The following DOP1B variants were observed in gnomAD, a reference collection of about 807,000 sequenced individuals.
The protein encoded by DOP1B is DOP1 leucine zipper like protein B.
In DOP1B, 174 loss-of-function variants were observed where a neutral mutation model predicts 233.5. That is an observed-to-expected ratio of 0.75 (90% CI 0.66 to 0.85). The LOEUF is 0.85. Ranked by LOEUF, DOP1B falls within the 40% of genes least tolerant of loss-of-function variation. The pLI, the probability that DOP1B is intolerant of heterozygous loss-of-function variation, is 0.00. For synonymous variants in DOP1B, 1,190 were observed against 1,185.6 expected (o/e 1.00, Z -0.08); for missense variants, 2,652 against 2,846.6 (o/e 0.93, Z 1.56).
chr21:36,157,642 A>G (rs1470265962), intron 1 of DOP1B, among the ~76,000 whole-genome samples: 1 of 152,222 alleles, frequency 6.6e-6, no homozygotes, highest in African/African-American at 2.4e-5. Flanking sequence ...GTCTGCTGCC[A>G]TTAGGTGGCT....
chr21:36,289,834 G>A (rs575392267), intron 35 of DOP1B, among the ~76,000 whole-genome samples: 3 of 152,310 alleles, frequency 2.0e-5, no homozygotes, highest in Non-Finnish European at 4.4e-5. Flanking sequence ...GTGACATTCT[G>A]GAAAAGGCAA....
chr21:36,270,456 G>A (rs1414565066), intron 27 of DOP1B, among the ~76,000 whole-genome samples: 1 of 149,112 alleles, frequency 6.7e-6, no homozygotes, highest in Non-Finnish European at 1.5e-5. Flanking sequence ...GGGAGGCTGA[G>A]GCAGGAGAAT....
Position 36,238,617 on chromosome 21 carries a change from C to A in DOP1B, c.2792C>A (p.Ala931Asp). ...CTCATCAAGGGAACAAGGCTGGAAG[C>A]TCTGTTTAGATTTTCCGTGATCTGG... ...LDPDKGTRLEALFRFSVIWHL... is the reference protein window; with the variant it reads ...LDPDKGTRLEDLFRFSVIWHL... The change falls in exon 17 of 37, where the codon GCT becomes GAT. Residue 931 changes from alanine to aspartate, a missense_variant. Ala to Asp is a moderately radical substitution (Grantham distance 126, BLOSUM62 -2). Coordinates refer to ENST00000691173, the MANE Select transcript of DOP1B (RefSeq NM_001320714.2). 3 of 1,614,216 alleles carry A rather than the reference C, an allele frequency of 1.9e-6. No individual in the cohort carries two copies. The highest frequency in any genetic ancestry group is 2.5e-6 in the Non-Finnish European group (3 of 1,180,038).
At chr21:36,238,773 G>T in intron 17 of DOP1B, 72 bp downstream of exon 17, 2 of 1,454,960 alleles carry the variant, frequency 1.4e-6, no homozygotes, top group Non-Finnish European at 1.9e-6. Flanking sequence ...CCCAACGTGT[G>T]GGGCTGGGGA....
chr21:36,198,028 A>G (rs1444456944), intron 2 of DOP1B, among the ~76,000 whole-genome samples: 2 of 151,856 alleles, frequency 1.3e-5, no homozygotes, highest in Non-Finnish European at 2.9e-5. Flanking sequence ...TCAAAAAAAA[A>G]AAAAAAAGAA....
chr21:36,158,495 C>T (rs950450571), intron 1 of DOP1B, among the ~76,000 whole-genome samples: 1 of 152,132 alleles, frequency 6.6e-6, no homozygotes, highest in African/African-American at 2.4e-5. Flanking sequence ...TCTCACAGGA[C>T]TCGTGTATTG....
chr21:36,178,031 G>A (rs1214980636), intron 2 of DOP1B, among the ~76,000 whole-genome samples: 2 of 152,146 alleles, frequency 1.3e-5, no homozygotes, highest in Non-Finnish European at 2.9e-5. Flanking sequence ...CCTTGGTGTG[G>A]AAGGTGCTGT....
chr21:36,289,308 C>T, intron 35 of DOP1B, 102 bp downstream of exon 35: 1 of 1,233,482 alleles, frequency 8.1e-7, no homozygotes. Flanking sequence ...TGGGAAACCA[C>T]CATCTGGGTT....
chr21:36,194,487 C>CTTTTT (rs369495001), intron 2 of DOP1B, among the ~76,000 whole-genome samples: 2 of 81,310 alleles, frequency 2.5e-5, no homozygotes, highest in African/African-American at 7.0e-5. Context: ...CTCTCTCTCT[C>CTTTTT]TTTTTTTTTT....
In DOP1B at chr21:36,214,658, TA is replaced by T. The variant is rs951180549; in HGVS notation, c.1129+104del. ...TACAACCAAAGCGTTATTTTGAATATAATTTAATATTTGGAATTTCACAACT... is the reference window on the plus strand; with the variant it reads ...TACAACCAAAGCGTTATTTTGAATATATTTAATATTTGGAATTTCACAACT... On this transcript the variant is annotated intron_variant, in intron 9 of 36. Transcript: ENST00000691173. The T allele has an allele frequency of 1.1e-5, 11 of 1,023,158 alleles. No individual in the cohort carries two copies. The African/African-American group carries it at 1.3e-4, about 12-fold the overall frequency. The allele number at this position is 1,023,158 out of a possible 1,614,324, so 63.4% of individuals were successfully genotyped here.
At position 36,246,480 on chromosome 21, in the gene DOP1B, C is replaced by T. The variant is rs1400171135; in HGVS notation, c.4500C>T (p.Val1500=). ...PHPLTSQGLL[V]SAVVRGLQPA... ...CCCTCACCTCCCAGGGTCTTCTGGT[C>T]TCTGCGGTGGTGAGGGGTCTGCAGC... The change falls in exon 19 of 37, where the codon GTC becomes GTT. Residue 1500 remains valine, a synonymous_variant. Coordinates refer to ENST00000691173, the MANE Select transcript of DOP1B (RefSeq NM_001320714.2). This position sits in a 1 kb window ranked among gnomAD's most constrained non-coding sequence, Gnocchi z 5.1. The T allele has an allele frequency of 3.1e-6, 5 of 1,614,038 alleles. No individual in the cohort carries two copies. The highest frequency in any genetic ancestry group is 4.2e-6 in the Non-Finnish European group (5 of 1,180,048).
chr21:36,208,074 G>A (rs531219637), intron 4 of DOP1B, among the ~76,000 whole-genome samples: 8 of 152,298 alleles, frequency 5.3e-5, no homozygotes, highest in Non-Finnish European at 1.0e-4. Context: ...ACAAATGCCC[G>A]GCCTCAGCAC....
chr21:36,229,621 G>A (rs571829707), intron 13 of DOP1B, among the ~76,000 whole-genome samples: 8 of 149,882 alleles, frequency 5.3e-5, no homozygotes, highest in South Asian at 2.1e-4. Flanking sequence ...GGGGGACACC[G>A]TTCAACCCAT....
chr21:36,221,322 G>A (rs1229183614), intron 10 of DOP1B, among the ~76,000 whole-genome samples: 2 of 151,656 alleles, frequency 1.3e-5, no homozygotes, highest in Admixed American at 6.6e-5. Context: ...ACAAAACCTG[G>A]TCTCTACAAA....
intron 27 of DOP1B, 130 bp from the exon 28 acceptor site, chr21:36,276,891 C>A: frequency 1.3e-6 from 1 of 743,328 alleles, no homozygotes; most frequent in Non-Finnish European, 2.2e-6. Context: ...AGAGGAATAC[C>A]TGAGTCATAT....
In DOP1B at chr21:36,246,674, T is replaced by C; in HGVS notation, c.4694T>C (p.Val1565Ala). 6.2e-7 allele frequency: 1 copy of C among 1,608,576 alleles called. No homozygotes were observed. The highest frequency in any genetic ancestry group is 1.3e-5 in the African/African-American group (1 of 74,992). Reference sequence around the variant, plus strand: ...GAAAGCGAATCTGTGAAGCTCTCTGTCAGGTGCGTTACGCTCCTTGTGACA... The same window carrying C: ...GAAAGCGAATCTGTGAAGCTCTCTGCCAGGTGCGTTACGCTCCTTGTGACA... ...QYESESVKLS[V>A]STTSKRENIS... Residue 1565 changes from valine (V) to alanine (A), a missense_variant, in exon 19 of 37, where the codon GTC becomes GCC. Coordinates refer to ENST00000691173, the MANE Select transcript of DOP1B (RefSeq NM_001320714.2). The surrounding 1 kb of genome is among the most constrained non-coding windows in gnomAD (Gnocchi z 5.1).
intron 23 of DOP1B, among the ~76,000 whole-genome samples, chr21:36,257,829 G>C (rs371585601): frequency 6.7e-6 from 1 of 149,418 alleles, no homozygotes; most frequent in South Asian, 2.1e-4. Context: ...ATGTAGGTAG[G>C]TAGGTAGATG....
At chr21:36,178,739 A>C (rs972618287) in intron 2 of DOP1B, among the ~76,000 whole-genome samples, 1 of 152,262 alleles carries the variant, frequency 6.6e-6, no homozygotes, top group Admixed American at 6.5e-5. Context: ...CTTGTATTTG[A>C]GTCACATACA....
chr21:36,227,077 G>A (rs564113735), intron 12 of DOP1B, among the ~76,000 whole-genome samples: 14 of 151,096 alleles, frequency 9.3e-5, no homozygotes, highest in East Asian at 7.8e-4. Flanking sequence ...GTGTGGTGGC[G>A]GGCGCCTGTA....
Sources: gnomAD v4.1 joint callset for allele counts (sites outside exome capture counted in the v4.1 genomes callset) on GRCh38, gnomAD v4.1.1 for gene constraint, Gnocchi (gnomAD v3.1) non-coding constraint, MANE v1.5 for transcripts, NCBI Gene and HGNC (gene_info 2026-07-23, HGNC 2026-07-21) for gene names.